Variants in ROBO2 observed in about 807,000 individuals in gnomAD.
ROBO2 encodes the protein roundabout guidance receptor 2.
A neutral mutation model predicts 160.8 loss-of-function variants in ROBO2; 53 were observed. The observed-to-expected ratio is 0.33, with a 90% CI of 0.26 to 0.41. The LOEUF (loss-of-function observed/expected upper bound fraction) is 0.41, where lower values mean the gene tolerates loss of function less well. Ranked by LOEUF, ROBO2 falls within the 10% of genes least tolerant of loss-of-function variation. ROBO2 has a pLI of 1.00. For missense variants in ROBO2, 1,577 were observed against 1,722.4 expected (o/e 0.92, Z 1.49); for synonymous variants, 664 against 611.7 (o/e 1.09, Z -1.26).
At chr3:76,235,092 G>A (rs1187946488) in intron 2 of ROBO2, among the ~76,000 whole-genome samples, 1 of 152,086 alleles carries the variant, frequency 6.6e-6, no homozygotes, top group Non-Finnish European at 1.5e-5. Context: ...TGTAGTGAGT[G>A]GACTGTAGTC....
chr3:77,359,972 G>T, intron 2 of ROBO2, among the ~76,000 whole-genome samples: 1 of 152,162 alleles, frequency 6.6e-6, no homozygotes, highest in East Asian at 1.9e-4. Context: ...TCAGGCATGA[G>T]CCACTGTGCC....
At chr3:76,791,485 T>A (rs1243110788) in intron 2 of ROBO2, among the ~76,000 whole-genome samples, 1 of 151,492 alleles carries the variant, frequency 6.6e-6, no homozygotes, top group African/African-American at 2.4e-5. Flanking sequence ...TCTCTCTCTG[T>A]GTTTTTCTCT....
At chr3:76,285,990 A>G (rs1021993224) in intron 2 of ROBO2, among the ~76,000 whole-genome samples, 1 of 152,172 alleles carries the variant, frequency 6.6e-6, no homozygotes. Context: ...CTGAGTAGCT[A>G]TTATATTCTG....
At chr3:76,527,691 G>A (rs950910022) in intron 2 of ROBO2, among the ~76,000 whole-genome samples, 5 of 152,060 alleles carry the variant, frequency 3.3e-5, no homozygotes, top group African/African-American at 1.2e-4. Flanking sequence ...AAGAATTTGG[G>A]GAGGAGATTT....
At chr3:77,127,110 G>A (rs954870503) in intron 2 of ROBO2, among the ~76,000 whole-genome samples, 2 of 152,084 alleles carry the variant, frequency 1.3e-5, no homozygotes, top group African/African-American at 4.8e-5. Flanking sequence ...TTTTCTTAAT[G>A]AAAAACAAGG....
chr3:76,953,757 C>T (rs563699506), intron 2 of ROBO2, among the ~76,000 whole-genome samples: 7 of 152,326 alleles, frequency 4.6e-5, no homozygotes, highest in South Asian at 2.1e-4. Flanking sequence ...CAAGCACGCG[C>T]ACACACATGC....
chr3:76,291,811 G>T (rs1485224801), intron 2 of ROBO2, among the ~76,000 whole-genome samples: 5 of 151,836 alleles, frequency 3.3e-5, no homozygotes, highest in Non-Finnish European at 5.9e-5. Flanking sequence ...TAATTTCCAT[G>T]TAATTGTATG....
intron 2 of ROBO2, among the ~76,000 whole-genome samples, chr3:76,065,511 C>T (rs1473510386): frequency 6.6e-6 from 1 of 151,964 alleles, no homozygotes; most frequent in Admixed American, 6.6e-5. Flanking sequence ...GAAACAAAAT[C>T]TTTGGCAAAT....
intron 2 of ROBO2, among the ~76,000 whole-genome samples, chr3:77,027,261 A>G (rs149986822): frequency 6.6e-6 from 1 of 152,160 alleles, no homozygotes; most frequent in Non-Finnish European, 1.5e-5. Flanking sequence ...ACATCATATT[A>G]CAAAACGAAA....
At chr3:76,838,447 C>T (rs2067911419) in intron 2 of ROBO2, among the ~76,000 whole-genome samples, 1 of 151,884 alleles carries the variant, frequency 6.6e-6, no homozygotes, top group Non-Finnish European at 1.5e-5. Flanking sequence ...ATTAAAATGC[C>T]ACATAGTTTT....
intron 2 of ROBO2, among the ~76,000 whole-genome samples, chr3:76,020,101 G>A (rs1265458129): frequency 6.6e-6 from 1 of 151,910 alleles, no homozygotes; most frequent in Non-Finnish European, 1.5e-5. Flanking sequence ...AAGTTGAAAT[G>A]AATGTATAAT....
intron 2 of ROBO2, among the ~76,000 whole-genome samples, chr3:76,201,889 C>CAAAAAAAAAA (rs3039047): frequency 1.9e-5 from 2 of 105,580 alleles, no homozygotes; most frequent in African/African-American, 7.3e-5. Flanking sequence ...CGAGAAATGT[C>CAAAAAAAAAA]AAAAAAAAAA....
intron 2 of ROBO2, among the ~76,000 whole-genome samples, chr3:76,642,278 G>C (rs1359326024): frequency 6.9e-6 from 1 of 145,110 alleles, no homozygotes; most frequent in African/African-American, 2.5e-5. Context: ...CAGAGCTCAA[G>C]ACCTTGACCG....
intron 2 of ROBO2, among the ~76,000 whole-genome samples, chr3:76,153,709 C>T (rs1469833755): frequency 6.6e-6 from 1 of 152,094 alleles, no homozygotes; most frequent in Non-Finnish European, 1.5e-5. Flanking sequence ...GTTTGTCCGT[C>T]TTCAAAACAT....
intron 2 of ROBO2, among the ~76,000 whole-genome samples, chr3:77,147,969 C>T (rs1264166168): frequency 2.0e-5 from 3 of 152,154 alleles, no homozygotes; most frequent in Admixed American, 2.0e-4. Flanking sequence ...CTACCCCATG[C>T]GGTTTGAGCA....
chr3:77,313,588 G>A lies in ROBO2; in HGVS notation c.389-163826G>A, dbSNP rs75207454. Among the ~76,000 whole-genome samples the A allele has an allele frequency of 4.5e-3, 677 of 151,718 alleles. 3 individuals are homozygous for A. Among genetic ancestry groups the A allele is most frequent in the Middle Eastern group, 0.014 (4 of 294 alleles). The stretch of plus-strand genomic sequence containing the variant: ...TGTTTTGCTTTGTTTTGTGTTTTTT[G>A]GTTTGTTTGTTTTTAAGATGGAGTT... On this transcript the variant is annotated intron_variant, in intron 2 of 25. Coordinates refer to ENST00000461745, the Ensembl canonical transcript of ROBO2.
At chr3:76,533,085 G>A (rs1289795195) in intron 2 of ROBO2, among the ~76,000 whole-genome samples, 1 of 152,144 alleles carries the variant, frequency 6.6e-6, no homozygotes. Context: ...CAGAGGGGAG[G>A]CTATTAAATA....
intron 2 of ROBO2, among the ~76,000 whole-genome samples, chr3:76,608,580 T>G (rs114730194): frequency 0.011 from 1,739 of 152,296 alleles, 42 homozygotes; most frequent in African/African-American, 0.04. Context: ...TAACTTTGTA[T>G]GATCCCATTC....
At chr3:77,322,415 T>G (rs1295578569) in intron 2 of ROBO2, among the ~76,000 whole-genome samples, 1 of 152,136 alleles carries the variant, frequency 6.6e-6, no homozygotes, top group Non-Finnish European at 1.5e-5. Flanking sequence ...AAGTTCTAGT[T>G]GCATTCTGAA....
Sources: gnomAD v4.1 joint callset for allele counts (sites outside exome capture counted in the v4.1 genomes callset) on GRCh38, gnomAD v4.1.1 for gene constraint, MANE v1.5 for transcripts, NCBI Gene and HGNC (gene_info 2026-07-23, HGNC 2026-07-21) for gene names.